The following DPP10 variants were observed in gnomAD, a reference collection of about 807,000 sequenced individuals.
DPP10 encodes dipeptidyl peptidase like 10, also known as inactive dipeptidyl peptidase 10.
DPP10 carries 33 observed loss-of-function variants against 120.9 expected under a neutral mutation model. That is an observed-to-expected ratio of 0.27 (90% confidence interval 0.21 to 0.37). The LOEUF is 0.37. Ranked by LOEUF, DPP10 falls within the 10% of genes least tolerant of loss-of-function variation. The pLI, the probability that DPP10 is intolerant of heterozygous loss-of-function variation, is 1.00. For missense variants in DPP10, 816 were observed against 942.8 expected (o/e 0.87, Z 1.76); for synonymous variants, 337 against 326.1 (o/e 1.03, Z -0.36).
intron 1 of DPP10, among the ~76,000 whole-genome samples, chr2:114,799,078 G>A (rs1683962017): frequency 1.3e-5 from 2 of 152,128 alleles, no homozygotes; most frequent in African/African-American, 4.8e-5. Flanking sequence ...GCAGTGAGTC[G>A]AGATCGTGCC....
At chr2:114,817,865 A>G (rs1685767880) in intron 1 of DPP10, among the ~76,000 whole-genome samples, 1 of 152,186 alleles carries the variant, frequency 6.6e-6, no homozygotes, top group Non-Finnish European at 1.5e-5. Flanking sequence ...TAAGGGATTA[A>G]AAAAGCTTTT....
chr2:115,118,673 G>A (rs1161152121), intron 1 of DPP10, among the ~76,000 whole-genome samples: 2 of 152,014 alleles, frequency 1.3e-5, no homozygotes, highest in Admixed American at 1.3e-4. Context: ...TCTGTCTCCT[G>A]GGTTCAAGCA....
At chr2:115,080,631 A>G (rs896127483) in intron 1 of DPP10, among the ~76,000 whole-genome samples, 1 of 152,236 alleles carries the variant, frequency 6.6e-6, no homozygotes. Context: ...CAAAGAAGAA[A>G]ATACAGTCTA....
chr2:115,454,080 A>G (rs979757952), intron 3 of DPP10, among the ~76,000 whole-genome samples: 3 of 151,656 alleles, frequency 2.0e-5, no homozygotes, highest in Non-Finnish European at 4.4e-5. Flanking sequence ...TAGCAATTTA[A>G]TATCTTCTCT....
intron 5 of DPP10, among the ~76,000 whole-genome samples, chr2:115,639,561 G>A (rs2086613625): frequency 6.6e-6 from 1 of 152,056 alleles, no homozygotes; most frequent in Non-Finnish European, 1.5e-5. Context: ...AAGAACCAAA[G>A]CGAAGCAAGA....
chr2:114,531,103 C>A (rs1032259631), intron 1 of DPP10, among the ~76,000 whole-genome samples: 1 of 152,088 alleles, frequency 6.6e-6, no homozygotes, highest in Non-Finnish European at 1.5e-5. Flanking sequence ...TGTTTGCACC[C>A]TAGACTGGAA....
intron 1 of DPP10, among the ~76,000 whole-genome samples, chr2:114,444,964 T>C (rs989718577): frequency 6.6e-6 from 1 of 152,192 alleles, no homozygotes; most frequent in South Asian, 2.1e-4. Context: ...TCAAATTATG[T>C]GCTCAATTAT....
intron 1 of DPP10, among the ~76,000 whole-genome samples, chr2:114,502,147 G>T (rs1052691151): frequency 1.3e-5 from 2 of 151,806 alleles, no homozygotes; most frequent in East Asian, 3.9e-4. Flanking sequence ...GTAGAGACGG[G>T]GTTTATCATA....
chr2:115,625,020 C>T (rs74678901), intron 5 of DPP10, among the ~76,000 whole-genome samples: 3,501 of 151,988 alleles, frequency 0.023, 66 homozygotes, highest in Middle Eastern at 0.034. Flanking sequence ...CTATCTTCCC[C>T]AGGGAGAATT....
intron 2 of DPP10, among the ~76,000 whole-genome samples, chr2:115,323,432 A>G (rs1559420691): frequency 6.6e-6 from 1 of 152,194 alleles, no homozygotes; most frequent in African/African-American, 2.4e-5. Context: ...TCTCAAAGTT[A>G]TCAGTACTGA....
chr2:114,615,893 A>G (rs1246418865), intron 1 of DPP10, among the ~76,000 whole-genome samples: 1 of 152,144 alleles, frequency 6.6e-6, no homozygotes, highest in Non-Finnish European at 1.5e-5. Context: ...AGAGTTTGCC[A>G]TTACATTGGT....
At chr2:115,277,653 G>A (rs2059976007) in intron 1 of DPP10, among the ~76,000 whole-genome samples, 1 of 151,490 alleles carries the variant, frequency 6.6e-6, no homozygotes, top group African/African-American at 2.4e-5. Flanking sequence ...TACTTTATTG[G>A]TTTCTTCATG....
intron 3 of DPP10, among the ~76,000 whole-genome samples, chr2:115,437,952 T>G (rs759840303): frequency 1.3e-5 from 2 of 152,114 alleles, no homozygotes; most frequent in Non-Finnish European, 2.9e-5. Context: ...ACAGCTCACA[T>G]TCAAGTACTT....
At chr2:114,899,759 C>T (rs1304091187) in intron 1 of DPP10, among the ~76,000 whole-genome samples, 4 of 152,038 alleles carry the variant, frequency 2.6e-5, no homozygotes, top group Non-Finnish European at 5.9e-5. Context: ...AGATCGAGAC[C>T]ATCCTGGCTA....
intron 1 of DPP10, among the ~76,000 whole-genome samples, chr2:114,518,141 A>G (rs1684759561): frequency 7.5e-6 from 1 of 133,574 alleles, no homozygotes; most frequent in South Asian, 2.3e-4. Flanking sequence ...TGCAGTGGCC[A>G]ATTTCAGTTT....
chr2:115,739,450 C>T (rs530448547), intron 8 of DPP10, among the ~76,000 whole-genome samples: 39 of 152,056 alleles, frequency 2.6e-4, no homozygotes, highest in African/African-American at 8.7e-4. Flanking sequence ...CTTCAATCAC[C>T]GTTCTCATTC....
At chr2:114,446,250 C>T (rs1474034259) in intron 1 of DPP10, among the ~76,000 whole-genome samples, 1 of 152,108 alleles carries the variant, frequency 6.6e-6, no homozygotes, top group African/African-American at 2.4e-5. Context: ...ACTTCTTTTG[C>T]TAGTGGAATT....
At chr2:115,087,088 T>C (rs1044807086) in intron 1 of DPP10, among the ~76,000 whole-genome samples, 1 of 152,206 alleles carries the variant, frequency 6.6e-6, no homozygotes, top group Non-Finnish European at 1.5e-5. Context: ...GTATTCCAAG[T>C]CGAGCGTATT....
At chr2:115,601,430 C>T (rs1027135689) in intron 5 of DPP10, among the ~76,000 whole-genome samples, 1 of 152,104 alleles carries the variant, frequency 6.6e-6, no homozygotes, top group Non-Finnish European at 1.5e-5. Flanking sequence ...AAAGCTATGC[C>T]TTTTTCACAT....
Sources: gnomAD v4.1 joint callset for allele counts (sites outside exome capture counted in the v4.1 genomes callset) on GRCh38, gnomAD v4.1.1 for gene constraint, MANE v1.5 for transcripts, NCBI Gene and HGNC (gene_info 2026-07-23, HGNC 2026-07-21) for gene names.